The following ZNF423 variants were observed in gnomAD, a reference collection of about 807,000 sequenced individuals.
The protein encoded by ZNF423 is zinc finger protein 423.
Under a neutral mutation model 95.8 loss-of-function variants are expected in ZNF423, and 12 were observed. The ratio of observed to expected loss-of-function variants is 0.13; its 90% CI spans 0.08 to 0.20. The LOEUF (loss-of-function observed/expected upper bound fraction) is 0.20. Ranked by LOEUF, ZNF423 falls within the 10% of genes least tolerant of loss-of-function variation. The pLI is 1.00. For missense variants in ZNF423, 1,316 were observed against 1,737.1 expected (o/e 0.76, Z 4.31); for synonymous variants, 749 against 711.9 (o/e 1.05, Z -0.83).
At chr16:49,775,944 T>A (rs1379228603) in intron 2 of ZNF423, among the ~76,000 whole-genome samples, 3 of 152,266 alleles carry the variant, frequency 2.0e-5, no homozygotes, top group Non-Finnish European at 4.4e-5. Context: ...TAACCAAACC[T>A]ATGCTAACCT....
At position 49,747,185 on chromosome 16, in the gene ZNF423, A is replaced by T. The variant is rs374770036; in HGVS notation, c.101-16214T>A. On this transcript the variant is annotated intron_variant, in intron 2 of 7. Coordinates refer to ENST00000563137, the MANE Select transcript of ZNF423 (RefSeq NM_001379286.1). ...TTTGTAATAGCCAAAAAAAATTAGCATCTACATCTCCATGAACAGCAGATC... is the reference window on the plus strand; with the variant it reads ...TTTGTAATAGCCAAAAAAAATTAGCTTCTACATCTCCATGAACAGCAGATC... Among the ~76,000 whole-genome samples, 28 of 152,336 alleles carry T rather than the reference A, an allele frequency of 1.8e-4. No homozygotes were observed. In the East Asian group the frequency reaches 4.6e-3, roughly 25 times the overall value.
intron 1 of ZNF423, among the ~76,000 whole-genome samples, chr16:49,810,191 G>A (rs916462537): frequency 6.6e-6 from 1 of 151,862 alleles, no homozygotes; most frequent in African/African-American, 2.4e-5. Flanking sequence ...GAAAGAACAC[G>A]TTCCCAGACT....
intron 5 of ZNF423, among the ~76,000 whole-genome samples, chr16:49,624,334 T>TGAGGTCA (rs1199076351): frequency 2.6e-5 from 4 of 152,142 alleles, no homozygotes; most frequent in African/African-American, 9.7e-5. Context: ...GCAGATCACT[T>TGAGGTCA]GAGGTCAGGA....
intron 5 of ZNF423, among the ~76,000 whole-genome samples, chr16:49,621,046 C>A (rs1464130390): frequency 6.6e-6 from 1 of 152,210 alleles, no homozygotes; most frequent in Non-Finnish European, 1.5e-5. Flanking sequence ...CCCCGGGGAG[C>A]CCAAGGCAGG....
intron 3 of ZNF423, among the ~76,000 whole-genome samples, chr16:49,710,440 C>T (rs1185278108): frequency 6.6e-6 from 1 of 152,200 alleles, no homozygotes; most frequent in Non-Finnish European, 1.5e-5. Flanking sequence ...TCATAAGATT[C>T]CAAGTGATCA....
intron 4 of ZNF423, among the ~76,000 whole-genome samples, chr16:49,632,464 TG>T (rs1284076306): frequency 6.6e-6 from 1 of 152,070 alleles, no homozygotes; most frequent in African/African-American, 2.4e-5. Context: ...GGGAGGTACC[TG>T]GGCTTTGTTT....
intron 5 of ZNF423, among the ~76,000 whole-genome samples, chr16:49,564,374 G>T (rs1312804188): frequency 3.3e-5 from 5 of 152,148 alleles, no homozygotes; most frequent in Non-Finnish European, 5.9e-5. Context: ...AAGGATGGGG[G>T]TGTGCTAGAT....
intron 1 of ZNF423, among the ~76,000 whole-genome samples, chr16:49,798,546 C>T (rs1236926236): frequency 1.3e-5 from 2 of 152,044 alleles, no homozygotes; most frequent in Non-Finnish European, 2.9e-5. Flanking sequence ...TGTTTTCAGA[C>T]AACACAACTC....
intron 5 of ZNF423, among the ~76,000 whole-genome samples, chr16:49,571,410 T>G (rs1010138478): frequency 1.3e-5 from 2 of 152,114 alleles, no homozygotes; most frequent in African/African-American, 4.8e-5. Flanking sequence ...AAGGGGCAGC[T>G]GCTCCGAGGG....
At chr16:49,686,802 G>A (rs2151942518) in intron 3 of ZNF423, among the ~76,000 whole-genome samples, 1 of 32,248 alleles carries the variant, frequency 3.1e-5, no homozygotes, top group Non-Finnish European at 1.1e-4. Flanking sequence ...GGAGGAGCAA[G>A]CATGATCTCG....
At chr16:49,677,248 TAAGAGAAGAG>T (rs1377639641) in intron 3 of ZNF423, among the ~76,000 whole-genome samples, 1 of 68,556 alleles carries the variant, frequency 1.5e-5, no homozygotes, top group African/African-American at 6.7e-5. Context: ...GAAGAGAAGA[TAAGAGAAGAG>T]AAGAGAAGAG....
At chr16:49,706,179 T>A (rs2032344069) in intron 3 of ZNF423, among the ~76,000 whole-genome samples, 1 of 152,072 alleles carries the variant, frequency 6.6e-6, no homozygotes, top group South Asian at 2.1e-4. Context: ...AAAAATGAAT[T>A]TTGGTCTCAT....
At chr16:49,819,088 T>C (rs1384871004) in intron 1 of ZNF423, among the ~76,000 whole-genome samples, 2 of 151,380 alleles carry the variant, frequency 1.3e-5, no homozygotes, top group African/African-American at 4.9e-5. Flanking sequence ...CCGTCTCTAC[T>C]AAAAATACAA....
At chr16:49,651,498 A>T (rs1315188701) in intron 3 of ZNF423, among the ~76,000 whole-genome samples, 3 of 152,098 alleles carry the variant, frequency 2.0e-5, no homozygotes, top group African/African-American at 7.2e-5. Flanking sequence ...CCTTGGAGAC[A>T]TCTGTGTTTG....
intron 7 of ZNF423, among the ~76,000 whole-genome samples, chr16:49,497,875 C>T (rs1346976672): frequency 6.6e-6 from 1 of 152,256 alleles, no homozygotes; most frequent in African/African-American, 2.4e-5. Flanking sequence ...AAACAAGGCA[C>T]CTGGCCCTGT....
intron 1 of ZNF423, among the ~76,000 whole-genome samples, chr16:49,800,686 G>A (rs2034569502): frequency 6.6e-6 from 1 of 152,162 alleles, no homozygotes; most frequent in South Asian, 2.1e-4. Flanking sequence ...CACAGTGCCG[G>A]GTATCCCACA....
At chr16:49,535,178 T>G (rs754121) in intron 5 of ZNF423, among the ~76,000 whole-genome samples, 95,304 of 151,548 alleles carry the variant, frequency 0.63, 31,397 homozygotes, top group African/African-American at 0.85. Flanking sequence ...ACCGCAGAGA[T>G]CGGGGCCCAG....
intron 5 of ZNF423, among the ~76,000 whole-genome samples, chr16:49,530,828 G>C (rs1968813581): frequency 6.6e-6 from 1 of 152,170 alleles, no homozygotes; most frequent in African/African-American, 2.4e-5. Flanking sequence ...TGGCAGGGCA[G>C]AGCAGGGCAG....
intron 4 of ZNF423, among the ~76,000 whole-genome samples, chr16:49,631,453 C>T (rs1263339489): frequency 6.6e-6 from 1 of 151,958 alleles, no homozygotes; most frequent in African/African-American, 2.4e-5. Context: ...GCAGCTTCAG[C>T]CCCCACTAGG....
Sources: allele counts gnomAD v4.1 joint callset (sites outside exome capture counted in the v4.1 genomes callset), GRCh38; gene constraint gnomAD v4.1.1; transcripts MANE v1.5; gene names NCBI Gene and HGNC (gene_info 2026-07-23, HGNC 2026-07-21).